The following ADGRE3 variants were observed in gnomAD, a reference collection of about 807,000 sequenced individuals.
ADGRE3 encodes adhesion G protein-coupled receptor E3, also known as EGF-like module receptor 3.
In ADGRE3, 88 loss-of-function variants were observed where a neutral mutation model predicts 80.1. The observed-to-expected ratio is 1.10, with a 90% CI of 0.93 to 1.31. The LOEUF is 1.31. Ranked by LOEUF, ADGRE3 falls within the 40% of genes most tolerant of loss-of-function variation. The pLI, the probability that ADGRE3 is intolerant of heterozygous loss-of-function variation, is 0.00. For missense variants in ADGRE3, 715 were observed against 776.5 expected (o/e 0.92, Z 0.94); for synonymous variants, 281 against 294.8 (o/e 0.95, Z 0.48).
the ADGRE3 span, among the ~76,000 whole-genome samples, chr19:14,609,817 G>A: frequency 3.3e-5 from 5 of 151,136 alleles, no homozygotes; most frequent in African/African-American, 9.7e-5. Flanking sequence ...CAGCCTCAGC[G>A]ACAGAGTGAG....
intron 1 of ADGRE3, among the ~76,000 whole-genome samples, chr19:14,672,230 T>C (rs577035239): frequency 1.1e-4 from 17 of 152,310 alleles, no homozygotes; most frequent in Non-Finnish European, 2.2e-4. Context: ...AGCAAGCCTG[T>C]ACTCACTAAT....
chr19:14,642,677 T>C (rs1364281912), intron 9 of ADGRE3, among the ~76,000 whole-genome samples: 1 of 152,176 alleles, frequency 6.6e-6, no homozygotes, highest in Non-Finnish European at 1.5e-5. Flanking sequence ...GAGTATTTGG[T>C]TTTCTGTTCC....
chr19:14,642,340 G>A (rs1389897657), intron 9 of ADGRE3, among the ~76,000 whole-genome samples: 3 of 151,848 alleles, frequency 2.0e-5, no homozygotes, highest in Admixed American at 6.6e-5. Flanking sequence ...GTGAGACCCC[G>A]TATCTAAAAA....
chr19:14,633,708 AAAAATAAAATAAAAT>A (rs371090073), intron 11 of ADGRE3, among the ~76,000 whole-genome samples: 19 of 123,748 alleles, frequency 1.5e-4, no homozygotes, highest in African/African-American at 3.8e-4. Flanking sequence ...CCGTCTCAAA[AAAAATAAAATAAAAT>A]AAAATAAAAT....
At chr19:14,660,592 C>G (rs1971917732) in intron 4 of ADGRE3, among the ~76,000 whole-genome samples, 1 of 151,066 alleles carries the variant, frequency 6.6e-6, no homozygotes, top group Admixed American at 6.6e-5. Context: ...CCACTGTACT[C>G]CAGCCTGGGT....
rs112694174 is a variant in ADGRE3 at position 14,668,308 on chromosome 19, C to T, written c.76+494G>A. Among the ~76,000 whole-genome samples, 1,266 of 152,110 alleles carry T rather than the reference C, an allele frequency of 8.3e-3. 17 individuals carry two copies. The highest frequency in any genetic ancestry group is 0.029 in the African/African-American group (1,212 of 41,494). ...CAGGTTCCACCCTAGACCTGAGCCC[C>T]TCCCAGATTCTTAACCCACAGAAAC... is the stretch of plus-strand genomic sequence containing the variant. On this transcript the variant is annotated intron_variant, in intron 2 of 15. Transcript: ENST00000253673.
At chr19:14,601,823 C>T in the ADGRE3 span, among the ~76,000 whole-genome samples, 12 of 152,140 alleles carry the variant, frequency 7.9e-5, no homozygotes, top group African/African-American at 2.7e-4. Flanking sequence ...GATGGAGTCT[C>T]GCTCTGTCAC....
the ADGRE3 span, among the ~76,000 whole-genome samples, chr19:14,608,126 C>A: frequency 6.6e-6 from 1 of 152,186 alleles, no homozygotes; most frequent in African/African-American, 2.4e-5. Flanking sequence ...CCCGCCTTAG[C>A]CTCCCAAAGT....
At chr19:14,638,008 T>G in intron 11 of ADGRE3, 97 bp downstream of exon 11, 2 of 832,820 alleles carry the variant, frequency 2.4e-6, no homozygotes, top group South Asian at 3.0e-5. Context: ...GAACGTAGAG[T>G]GCATTGGTTA....
At chr19:14,645,820 T>C (rs1971384599) in intron 8 of ADGRE3, among the ~76,000 whole-genome samples, 1 of 151,670 alleles carries the variant, frequency 6.6e-6, no homozygotes, top group African/African-American at 2.4e-5. Flanking sequence ...AAAAATAAAA[T>C]AGTTAGTTGG....
At chr19:14,617,558 T>C (rs2075090052), downstream of ADGRE3, among the ~76,000 whole-genome samples, 1 of 151,464 alleles carries the variant, frequency 6.6e-6, no homozygotes, top group Admixed American at 6.6e-5. Context: ...CCACCACGCC[T>C]GGCTAATATT....
At chr19:14,628,985 C>T (rs1005417226) in intron 14 of ADGRE3, among the ~76,000 whole-genome samples, 4 of 151,780 alleles carry the variant, frequency 2.6e-5, no homozygotes, top group African/African-American at 4.8e-5. Context: ...TGCAGTGGTG[C>T]GATCTCGGCT....
At chr19:14,609,118 G>C in the ADGRE3 span, among the ~76,000 whole-genome samples, 1 of 152,058 alleles carries the variant, frequency 6.6e-6, no homozygotes, top group African/African-American at 2.4e-5. Flanking sequence ...GCTGCTAAAG[G>C]CTCACAGGAA....
intron 15 of ADGRE3, among the ~76,000 whole-genome samples, chr19:14,623,537 A>T (rs1970651939): frequency 6.6e-6 from 1 of 152,222 alleles, no homozygotes; most frequent in Non-Finnish European, 1.5e-5. Context: ...ACCAGATTCC[A>T]GAAGTATCAT....
chr19:14,610,063 G>T, the ADGRE3 span: 1 of 1,612,806 alleles, frequency 6.2e-7, no homozygotes, highest in Non-Finnish European at 8.5e-7. Context: ...CCTCCATCCA[G>T]CTTCTGGGAG....
chr19:14,625,641 T>C (rs777245566), intron 14 of ADGRE3, 42 bp from the exon 15 acceptor site: 6 of 1,267,964 alleles, frequency 4.7e-6, no homozygotes, highest in Non-Finnish European at 6.9e-6. Context: ...TTTGCTAACA[T>C]TGGTGAACAG....
At chr19:14,661,040 C>T (rs1172712563) in intron 4 of ADGRE3, among the ~76,000 whole-genome samples, 1 of 143,570 alleles carries the variant, frequency 7.0e-6, no homozygotes, top group African/African-American at 2.6e-5. Flanking sequence ...TTCCCAGGAT[C>T]AAGCAATTCT....
downstream of ADGRE3, among the ~76,000 whole-genome samples, chr19:14,616,170 C>G (rs1455285793): frequency 1.3e-5 from 2 of 151,792 alleles, no homozygotes; most frequent in Admixed American, 1.3e-4. Context: ...GACCTCTGCC[C>G]TTGTGATCTC....
chr19:14,651,277 T>C (rs1971601299), intron 6 of ADGRE3, 73 bp from the exon 7 acceptor site: 4 of 1,520,842 alleles, frequency 2.6e-6, no homozygotes, highest in Non-Finnish European at 1.8e-6. Flanking sequence ...GAACAGGACA[T>C]GGTGGTGCAT....
Sources: allele counts gnomAD v4.1 joint callset (sites outside exome capture counted in the v4.1 genomes callset), GRCh38; gene constraint gnomAD v4.1.1; transcripts MANE v1.5; gene names NCBI Gene and HGNC (gene_info 2026-07-23, HGNC 2026-07-21).